The following GLT1D1 variants were observed in gnomAD, a reference collection of about 807,000 sequenced individuals.
GLT1D1 encodes the protein glycosyltransferase 1 domain-containing protein 1.
GLT1D1 carries 21 observed loss-of-function variants against 28.7 expected under a neutral mutation model. The observed-to-expected ratio is 0.73, with a 90% CI of 0.52 to 1.05. The LOEUF (loss-of-function observed/expected upper bound fraction) is 1.05. Ranked by LOEUF, GLT1D1 falls within the 50% of genes least tolerant of loss-of-function variation. The pLI is 0.00. For synonymous variants in GLT1D1, 147 were observed against 124.8 expected, an observed-to-expected ratio of 1.18 and a Z score of -1.19; for missense variants, 343 against 330.6, an observed-to-expected ratio of 1.04 and a Z score of -0.29.
rs142834493 is a variant in GLT1D1 at position 128,862,696 on chromosome 12, C to T, written c.68+9047C>T. On this transcript the variant is annotated intron_variant, in intron 1 of 7. Coordinates refer to ENST00000281703, the MANE Select transcript of GLT1D1 (RefSeq NM_144669.3). ...CTTCATTCAGCAGATATTTTTTGAG[C>T]GTCTCCCATGGGTACAGTGCTGTGT... 1.8e-3 allele frequency among the ~76,000 whole-genome samples: 270 copies of T among 152,224 alleles called. 3 individuals are homozygous for T. The highest frequency in any genetic ancestry group is 9.7e-4 in the East Asian group (5 of 5,166).
intron 6 of GLT1D1, among the ~76,000 whole-genome samples, chr12:128,949,367 T>C (rs542420144): frequency 7.2e-4 from 110 of 152,334 alleles, no homozygotes; most frequent in African/African-American, 2.5e-3. Context: ...AAATAACCTT[T>C]GGGCGAAGTG....
chr12:128,873,059 T>C (rs374717952), intron 1 of GLT1D1, among the ~76,000 whole-genome samples: 2 of 152,204 alleles, frequency 1.3e-5, no homozygotes, highest in East Asian at 3.9e-4. Context: ...CACACCCAGG[T>C]AATTTTTTAA....
chr12:128,936,273 G>A (rs1171962314), intron 4 of GLT1D1, among the ~76,000 whole-genome samples: 1 of 150,826 alleles, frequency 6.6e-6, no homozygotes, highest in East Asian at 2.0e-4. Flanking sequence ...TCCTGCCTCA[G>A]CCTCCCGAGT....
intron 7 of GLT1D1, among the ~76,000 whole-genome samples, chr12:128,974,835 G>A (rs470369): frequency 0.46 from 69,648 of 152,058 alleles, 16,273 homozygotes; most frequent in African/African-American, 0.52. Flanking sequence ...ATGCATGTTG[G>A]CTGCTGTTGT....
At chr12:128,914,569 C>A (rs1035910145) in intron 4 of GLT1D1, among the ~76,000 whole-genome samples, 3 of 152,116 alleles carry the variant, frequency 2.0e-5, no homozygotes, top group Admixed American at 1.3e-4. Flanking sequence ...CCTGTAATCC[C>A]AGCACTTTGG....
At chr12:128,961,803 G>C (rs566803821) in intron 7 of GLT1D1, among the ~76,000 whole-genome samples, 2 of 152,096 alleles carry the variant, frequency 1.3e-5, no homozygotes, top group Non-Finnish European at 2.9e-5. Context: ...GAGATAAGGC[G>C]TCACCAGCTA....
chr12:128,899,415 A>G (rs1402726798), intron 4 of GLT1D1, 128 bp downstream of exon 4: 5 of 747,218 alleles, frequency 6.7e-6, no homozygotes, highest in African/African-American at 5.2e-5. Flanking sequence ...ACAATAGTGT[A>G]TTATGTTTCC....
chr12:128,983,198 C>T lies in GLT1D1; in HGVS notation c.*108C>T, dbSNP rs1880504191. The T allele has an allele frequency of 2.0e-6, 2 of 982,514 alleles. No homozygotes were observed. Among genetic ancestry groups the T allele is most frequent in the Non-Finnish European group, 3.1e-6 (2 of 651,682 alleles). The allele number at this position is 982,514 out of a possible 1,614,324, so 60.9% of individuals were successfully genotyped here. A position where few individuals can be genotyped will look rare whatever the true frequency, so the allele number is the denominator to read the frequency against. ...CCAGTGCAGTTCAAATAAAACCAGC[C>T]TCAGCGGAATCCTAGAAAATGTTAG... On this transcript the variant is annotated 3_prime_UTR_variant, in exon 8 of 8. Transcript: ENST00000281703. This position sits in a 1 kb window ranked among gnomAD's most constrained non-coding sequence, Gnocchi z 4.7.
At chr12:128,942,092 T>A (rs1207685647) in intron 4 of GLT1D1, among the ~76,000 whole-genome samples, 1 of 151,850 alleles carries the variant, frequency 6.6e-6, no homozygotes, top group Non-Finnish European at 1.5e-5. Flanking sequence ...TTCTTTTTTT[T>A]TTTTCCACTG....
At chr12:128,865,068 T>C (rs1956481241) in intron 1 of GLT1D1, among the ~76,000 whole-genome samples, 1 of 152,194 alleles carries the variant, frequency 6.6e-6, no homozygotes, top group African/African-American at 2.4e-5. Flanking sequence ...GCAGTCAGGC[T>C]GAGTCTGGTG....
intron 7 of GLT1D1, among the ~76,000 whole-genome samples, chr12:128,978,689 TGAAAGCGAGTTTATTAG>T (rs1221341046): frequency 6.6e-6 from 1 of 152,146 alleles, no homozygotes; most frequent in Non-Finnish European, 1.5e-5. Flanking sequence ...GTCCGTAAAG[TGAAAGCGAGTTTATTAG>T]GAAAGTGAGG....
At chr12:128,873,273 G>A (rs1956745195) in intron 1 of GLT1D1, among the ~76,000 whole-genome samples, 1 of 152,080 alleles carries the variant, frequency 6.6e-6, no homozygotes, top group Non-Finnish European at 1.5e-5. Context: ...CCCACACAGT[G>A]TATATACCCA....
chr12:128,865,869 C>T (rs1015136585), intron 1 of GLT1D1, among the ~76,000 whole-genome samples: 1 of 151,908 alleles, frequency 6.6e-6, no homozygotes, highest in Non-Finnish European at 1.5e-5. Context: ...CCAAAAACCC[C>T]CCCAAAACCC....
chr12:128,945,385 G>A lies in GLT1D1; in HGVS notation c.419+16G>A, dbSNP rs749842181. 2.5e-6 allele frequency: 4 copies of A among 1,610,076 alleles called. No homozygotes were observed. The highest frequency in any genetic ancestry group is 1.3e-5 in the African/African-American group (1 of 74,966). ...AAGTGAAAAGGTAAGAGTTGGTGGA[G>A]ACCAGTCATTTTGCAGAACGGGAAG... On this transcript the variant is annotated intron_variant, in intron 5 of 7. Coordinates refer to ENST00000281703, the MANE Select transcript of GLT1D1 (RefSeq NM_144669.3).
intron 1 of GLT1D1, among the ~76,000 whole-genome samples, chr12:128,867,547 A>G (rs1405570889): frequency 1.3e-5 from 2 of 151,948 alleles, no homozygotes; most frequent in Non-Finnish European, 2.9e-5. Flanking sequence ...GCGCTTGGTC[A>G]CTGAAAATGC....
At chr12:128,937,386 G>A (rs1874675463) in intron 4 of GLT1D1, among the ~76,000 whole-genome samples, 1 of 152,160 alleles carries the variant, frequency 6.6e-6, no homozygotes, top group African/African-American at 2.4e-5. Context: ...GGCCTTGGGA[G>A]GGACATGGAG....
chr12:128,949,767 G>C (rs529111470), intron 6 of GLT1D1, among the ~76,000 whole-genome samples: 1 of 151,112 alleles, frequency 6.6e-6, no homozygotes, highest in African/African-American at 2.4e-5. Context: ...CACACACACA[G>C]GCACACACAC....
At chr12:128,953,248 T>G (rs1203587610) in intron 6 of GLT1D1, among the ~76,000 whole-genome samples, 1 of 152,232 alleles carries the variant, frequency 6.6e-6, no homozygotes, top group African/African-American at 2.4e-5. Context: ...CTATCAGATA[T>G]TTATTTCCTA....
intron 7 of GLT1D1, among the ~76,000 whole-genome samples, chr12:128,958,894 G>A (rs1877604647): frequency 7.2e-6 from 1 of 139,170 alleles, no homozygotes; most frequent in Non-Finnish European, 1.5e-5. Flanking sequence ...CTGCAGTGCA[G>A]TGGTGTGATC....
Sources: allele counts gnomAD v4.1 joint callset (sites outside exome capture counted in the v4.1 genomes callset), GRCh38; gene constraint gnomAD v4.1.1; non-coding constraint Gnocchi (gnomAD v3.1); transcripts MANE v1.5; gene names NCBI Gene and HGNC (gene_info 2026-07-23, HGNC 2026-07-21).